Variants in ARL10 observed in about 807,000 individuals in gnomAD.
ARL10 encodes the protein ARF like GTPase 10, also known as ADP-ribosylation factor-like protein 10.
Under a neutral mutation model 26.1 loss-of-function variants are expected in ARL10, and 23 were observed. The observed-to-expected ratio is 0.88, with a 90% CI of 0.63 to 1.25. The LOEUF (loss-of-function observed/expected upper bound fraction) is 1.25, where lower values mean the gene tolerates loss of function less well. Among genes scored for constraint, ARL10 ranks in the 50% most tolerant of loss-of-function variants. ARL10 has a pLI of 0.00. For missense variants in ARL10, 300 were observed against 323.6 expected (o/e 0.93, Z 0.56); for synonymous variants, 138 against 149.1 (o/e 0.93, Z 0.54).
intron 1 of ARL10, chr5:176,398,164 C>A: frequency 1.2e-6 from 1 of 839,508 alleles, no homozygotes. Flanking sequence ...ACCTCATACC[C>A]ACTGTCTCTG....
chr5:176,376,858 CTCTT>C lies in ARL10; in HGVS notation c.*4967_*4970del, dbSNP rs1337630814. On this transcript the variant is annotated 3_prime_UTR_variant, in exon 4 of 4. Coordinates refer to ENST00000310389, the MANE Select transcript of ARL10 (RefSeq NM_173664.6). ...GGGTAATAGAAGAACTTGGTATTGT[CTCTT>C]TCTGTGAGGTTTAAGGGCACTTTTT... 4 of 152,216 alleles carry C rather than the reference CTCTT, an allele frequency of 2.6e-5. No individual in the cohort carries two copies. The highest frequency in any genetic ancestry group is 7.2e-5 in the African/African-American group (3 of 41,456). 9.4% of individuals were successfully genotyped at this position (152,216 alleles called of 1,614,324 possible).
chr5:176,405,193 T>C (rs1165374167), downstream of ARL10, among the ~76,000 whole-genome samples: 1 of 152,026 alleles, frequency 6.6e-6, no homozygotes, highest in East Asian at 1.9e-4. Context: ...TGTCTTCTAT[T>C]AGAAGCGAGT....
At chr5:176,369,975 A>T (rs926696338) in intron 3 of ARL10, among the ~76,000 whole-genome samples, 1 of 151,400 alleles carries the variant, frequency 6.6e-6, no homozygotes, top group South Asian at 2.1e-4. Flanking sequence ...AAAAAAAAAA[A>T]TAGTGGAATT....
downstream of ARL10, among the ~76,000 whole-genome samples, chr5:176,403,323 T>G (rs1337564398): frequency 1.3e-5 from 2 of 152,140 alleles, no homozygotes; most frequent in Non-Finnish European, 2.9e-5. Flanking sequence ...GTGCTGGGAT[T>G]ACAGGCGTGA....
At chr5:176,398,467 T>C (rs1756659240) in intron 1 of ARL10, among the ~76,000 whole-genome samples, 1 of 152,042 alleles carries the variant, frequency 6.6e-6, no homozygotes, top group South Asian at 2.1e-4. Context: ...ATCCCAACAC[T>C]TTGGGAGGCC....
downstream of ARL10, among the ~76,000 whole-genome samples, chr5:176,382,343 C>T (rs1435913142): frequency 6.6e-6 from 1 of 152,212 alleles, no homozygotes; most frequent in East Asian, 1.9e-4. Context: ...AACCCAACAG[C>T]TGCCAACCTA....
At chr5:176,397,430 CCCT>C (rs1450956877) in intron 1 of ARL10, among the ~76,000 whole-genome samples, 14 of 144,636 alleles carry the variant, frequency 9.7e-5, no homozygotes, top group African/African-American at 3.4e-4. Context: ...CCCCACAGCT[CCCT>C]CATGTCCCCA....
downstream of ARL10, chr5:176,385,043 TC>T (rs1755720012): frequency 1.6e-6 from 1 of 620,488 alleles, no homozygotes; most frequent in African/African-American, 1.8e-5. Context: ...ACTCAGTCTA[TC>T]CTTGCCATAA....
At chr5:176,389,222 C>T (rs1229664606), downstream of ARL10, 10 of 1,352,366 alleles carry the variant, frequency 7.4e-6, no homozygotes, top group Non-Finnish European at 1.0e-5. Flanking sequence ...TCGCCGCCCT[C>T]CCTCCGCTGT....
Position 176,375,001 on chromosome 5 carries a change from A to T in ARL10, c.*3106A>T, listed in dbSNP as rs1485688263. 6.6e-6 allele frequency: 1 copy of T among 152,194 alleles called. No individual in the cohort carries two copies. Among genetic ancestry groups the T allele is most frequent in the African/African-American group, 2.4e-5 (1 of 41,420 alleles). 9.4% of individuals were successfully genotyped at this position (152,194 alleles called of 1,614,324 possible). A position where few individuals can be genotyped will look rare whatever the true frequency, so the allele number is the denominator to read the frequency against. On this transcript the variant is annotated 3_prime_UTR_variant, in exon 4 of 4. Coordinates refer to ENST00000310389, the MANE Select transcript of ARL10 (RefSeq NM_173664.6). ...TTCAGTTTTGTTCAGCACCATACAC[A>T]AGCTCCTAGCTGGGCAAAGGAAATC...
At chr5:176,371,247 CA>C (rs1768525536) in intron 3 of ARL10, among the ~76,000 whole-genome samples, 1 of 151,644 alleles carries the variant, frequency 6.6e-6, no homozygotes, top group South Asian at 2.1e-4. Context: ...TGGTGGCTCA[CA>C]CCTGTAGTCC....
downstream of ARL10, chr5:176,386,757 G>T: frequency 8.1e-7 from 1 of 1,234,970 alleles, no homozygotes; most frequent in Non-Finnish European, 1.2e-6. Context: ...TTCTCCATCT[G>T]CAAAATGAGG....
rs1292335750 is a variant in ARL10 at position 176,375,586 on chromosome 5, GT to G, written c.*3694del. ...ATTATGGGGACTTTCAGGGAAAGCT[GT>G]TTGCAAGGTGAGCATGAATCAGGTG... On this transcript the variant is annotated 3_prime_UTR_variant, in exon 4 of 4. Transcript: ENST00000310389. 2.0e-5 allele frequency: 3 copies of G among 152,160 alleles called. No individual in the cohort carries two copies. The highest frequency in any genetic ancestry group is 4.4e-5 in the Non-Finnish European group (3 of 68,028). 9.4% of individuals were successfully genotyped at this position (152,160 alleles called of 1,614,324 possible).
chr5:176,397,942 G>C, intron 1 of ARL10: 1 of 1,613,798 alleles, frequency 6.2e-7, no homozygotes, highest in South Asian at 1.1e-5. Flanking sequence ...AGCTCTTGCA[G>C]CCGTTTCCTC....
exon 2 of ARL10, chr5:176,388,483 T>C: frequency 6.2e-7 from 1 of 1,614,232 alleles, no homozygotes. Context: ...TCAGACGCTT[T>C]CGGTTGACAC....
intron 1 of ARL10, among the ~76,000 whole-genome samples, chr5:176,395,914 C>T (rs1395032622): frequency 6.6e-6 from 1 of 152,190 alleles, no homozygotes; most frequent in African/African-American, 2.4e-5. Context: ...GTGGGTGGAT[C>T]ACCTGAGGTC....
intron 3 of ARL10, among the ~76,000 whole-genome samples, chr5:176,371,378 G>C (rs552362924): frequency 6.6e-6 from 1 of 152,262 alleles, no homozygotes; most frequent in East Asian, 1.9e-4. Context: ...GCAAAACTCC[G>C]TCTCAAAACA....
chr5:176,397,871 C>T, intron 1 of ARL10: 1 of 1,521,392 alleles, frequency 6.6e-7, no homozygotes, highest in Non-Finnish European at 9.1e-7. Context: ...CCGAGGACTC[C>T]CCACACTCCA....
chr5:176,388,201 GAAGAC>G, intron 1 of ARL10: 1 of 1,478,652 alleles, frequency 6.8e-7, no homozygotes, highest in Non-Finnish European at 9.4e-7. Flanking sequence ...GAAGAGTAAA[GAAGAC>G]AAGGACCGAG....
Sources: gnomAD v4.1 joint callset for allele counts (sites outside exome capture counted in the v4.1 genomes callset) on GRCh38, gnomAD v4.1.1 for gene constraint, MANE v1.5 for transcripts, NCBI Gene and HGNC (gene_info 2026-07-23, HGNC 2026-07-21) for gene names.